Variants in ZNF84 observed in about 807,000 individuals in gnomAD.
ZNF84 encodes the protein zinc finger protein 84, also known as zinc finger protein HPF2.
Under a neutral mutation model 14.8 loss-of-function variants are expected in ZNF84, and 12 were observed. The ratio of observed to expected loss-of-function variants is 0.81; its 90% confidence interval spans 0.52 to 1.31. The LOEUF (loss-of-function observed/expected upper bound fraction) is 1.31. Ranked by LOEUF, ZNF84 falls within the 50% of genes most tolerant of loss-of-function variation. ZNF84 has a pLI of 0.00. For missense variants in ZNF84, 859 were observed against 878.6 expected (o/e 0.98, Z 0.28); for synonymous variants, 347 against 291.1 (o/e 1.19, Z -1.96).
intron 1 of ZNF84, chr12:133,037,855 GCCA>G (rs1440482202): frequency 5.3e-5 from 8 of 152,284 alleles, no homozygotes; most frequent in Non-Finnish European, 7.3e-5. Flanking sequence ...TCGACCTCGG[GCCA>G]GCCCGCTTGC....
chr12:133,056,930 A>T, intron 4 of ZNF84, 24 bp from the exon 5 acceptor site: 1 of 1,534,550 alleles, frequency 6.5e-7, no homozygotes, highest in Admixed American at 2.3e-5. Context: ...ACAACCAAAC[A>T]GATTGTTTTT....
At position 133,059,025 on chromosome 12, in the gene ZNF84, GTT is replaced by G; in HGVS notation, c.*95_*96del. The G allele has an allele frequency of 7.9e-6, 10 of 1,265,836 alleles. No homozygotes were observed. The highest frequency in any genetic ancestry group is 1.5e-5 in the African/African-American group (1 of 67,106). 78.4% of individuals were successfully genotyped at this position (1,265,836 alleles called of 1,614,324 possible). ...TGTAGACAGTCACGTCATGTTAGGTGTTTGTACTCCATGAGGATGAGAACTCT... is the reference window on the plus strand; with the variant it reads ...TGTAGACAGTCACGTCATGTTAGGTGTGTACTCCATGAGGATGAGAACTCT... On this transcript the variant is annotated 3_prime_UTR_variant, in exon 5 of 5. Transcript: ENST00000539354.
At chr12:133,050,997 C>T (rs1954058976) in intron 4 of ZNF84, among the ~76,000 whole-genome samples, 1 of 152,146 alleles carries the variant, frequency 6.6e-6, no homozygotes, top group Non-Finnish European at 1.5e-5. Flanking sequence ...TCATAGGTCA[C>T]TGCAGCCTCA....
Position 133,061,666 on chromosome 12 carries a change from T to C in ZNF84, c.*2734T>C, listed in dbSNP as rs1304682360. 6.6e-6 allele frequency: 1 copy of C among 152,204 alleles called. No individual in the cohort carries two copies. Among genetic ancestry groups the C allele is most frequent in the Non-Finnish European group, 1.5e-5 (1 of 68,036 alleles). The allele number at this position is 152,204 out of a possible 1,614,324, so 9.4% of individuals were successfully genotyped here. On this transcript the variant is annotated 3_prime_UTR_variant, in exon 5 of 5. Transcript: ENST00000539354. The stretch of plus-strand genomic sequence containing the variant: ...TTAGGTCTTGGAAATTCTAGATTAT[T>C]CCATTAACTATTAAGCAGTTAAACC...
rs1954203270 is a variant in ZNF84 at position 133,058,574 on chromosome 12, C to T, written c.1859C>T (p.Thr620Ile). Reference protein sequence around the residue: ...EKSELIRHLRTHTGEKPYECN... With the variant: ...EKSELIRHLRIHTGEKPYECN... ...TCGGAGCTAATTAGACATCTGAGAA[C>T]TCATACAGGAGAAAAACCTTATGAA... Residue 620 changes from threonine to isoleucine, a missense_variant, in exon 5 of 5, where the codon ACT becomes ATT. Thr to Ile is a moderately conservative substitution (Grantham distance 89). Coordinates refer to ENST00000539354, the MANE Select transcript of ZNF84 (RefSeq NM_001289971.2). The T allele has an allele frequency of 6.8e-6, 11 of 1,613,994 alleles. No homozygotes were observed. The highest frequency in any genetic ancestry group is 9.3e-6 in the Non-Finnish European group (11 of 1,179,974).
rs1420805502 is a variant in ZNF84 at position 133,059,607 on chromosome 12, T to C, written c.*675T>C. 2.6e-5 allele frequency: 4 copies of C among 152,376 alleles called. No individual in the cohort carries two copies. The highest frequency in any genetic ancestry group is 1.3e-4 in the Admixed American group (2 of 15,304). The allele number at this position is 152,376 out of a possible 1,614,324, so 9.4% of individuals were successfully genotyped here. A position where few individuals can be genotyped will look rare whatever the true frequency, so the allele number is the denominator to read the frequency against. ...ATTGGTTATTGAAACATCTAAGACA[T>C]TTCTTAGTGGTATTTGTGGCTTATC... On this transcript the variant is annotated 3_prime_UTR_variant, in exon 5 of 5. Transcript: ENST00000539354.
Position 133,057,239 on chromosome 12 carries a change from C to G in ZNF84, c.524C>G (p.Thr175Ser). The G allele has an allele frequency of 6.2e-7, 1 of 1,613,836 alleles. No individual in the cohort carries two copies. The change falls in exon 5 of 5, where the codon ACC becomes AGC. Residue 175 changes from threonine to serine, a missense_variant. By Grantham distance (58) the Thr-to-Ser change is moderately conservative (BLOSUM62 1). Coordinates refer to ENST00000539354, the MANE Select transcript of ZNF84 (RefSeq NM_001289971.2). ...CATTCCAAGCCTGAGGATACTGATA[C>G]CTGGTTAAAATACTATGACTGTGAT... ...FLHSKPEDTD[T>S]WLKYYDCDKY... is the part of the protein sequence containing the mutation.
At chr12:133,043,631 C>T (rs1050359563) in intron 2 of ZNF84, among the ~76,000 whole-genome samples, 10 of 152,202 alleles carry the variant, frequency 6.6e-5, no homozygotes, top group Non-Finnish European at 7.4e-5. Context: ...CCAGACCTGC[C>T]GTTAGCCATT....
chr12:133,055,187 A>G (rs2137406845), intron 4 of ZNF84, among the ~76,000 whole-genome samples: 1 of 152,234 alleles, frequency 6.6e-6, no homozygotes, highest in South Asian at 2.1e-4. Flanking sequence ...TATTTGTTCA[A>G]ATTATTCCAT....
chr12:133,057,805 A>G lies in ZNF84; in HGVS notation c.1090A>G (p.Thr364Ala). The G allele has an allele frequency of 1.2e-6, 2 of 1,614,124 alleles. No individual in the cohort carries two copies. The highest frequency in any genetic ancestry group is 1.1e-5 in the South Asian group (1 of 91,086). The change falls in exon 5 of 5, where the codon ACA becomes GCA. Residue 364 changes from threonine (T) to alanine (A), a missense_variant. Physicochemically the swap from Thr to Ala is moderately conservative, Grantham distance 58. Coordinates refer to ENST00000539354, the MANE Select transcript of ZNF84 (RefSeq NM_001289971.2). ...KAFSRKSQLV[T>A]HHRTHTGTKP... is the part of the protein sequence containing the mutation. The stretch of plus-strand genomic sequence containing the variant: ...CTTCAGCAGGAAGTCACAACTCGTT[A>G]CACATCACAGAACTCACACAGGAAC...
Position 133,058,446 on chromosome 12 carries a change from A to G in ZNF84, c.1731A>G (p.Glu577=). 1 of 1,614,062 alleles carries G rather than the reference A, an allele frequency of 6.2e-7. No homozygotes were observed. The highest frequency in any genetic ancestry group is 8.5e-7 in the Non-Finnish European group (1 of 1,180,012). The change falls in exon 5 of 5, where the codon GAA becomes GAG. Residue 577 remains glutamate, a synonymous_variant. Coordinates refer to ENST00000539354, the MANE Select transcript of ZNF84 (RefSeq NM_001289971.2). ...GEKPYECRDC[E]KAFSQKSQLN... ...AACCGTATGAATGCAGGGACTGTGAAAAAGCTTTCTCCCAGAAATCACAGC... is the reference window on the plus strand; with the variant it reads ...AACCGTATGAATGCAGGGACTGTGAGAAAGCTTTCTCCCAGAAATCACAGC...
chr12:133,040,418 A>G (rs1340428365), intron 1 of ZNF84: 8 of 151,798 alleles, frequency 5.3e-5, no homozygotes, highest in African/African-American at 1.9e-4. Flanking sequence ...AAATACAAAA[A>G]CAGTTAGCTG....
chr12:133,040,192 C>T (rs1953861500), intron 1 of ZNF84, among the ~76,000 whole-genome samples: 1 of 151,706 alleles, frequency 6.6e-6, no homozygotes, highest in African/African-American at 2.4e-5. Flanking sequence ...CTCTGAGCTG[C>T]TTATAAGGGA....
chr12:133,055,666 G>T (rs1255871836), intron 4 of ZNF84, among the ~76,000 whole-genome samples: 1 of 152,128 alleles, frequency 6.6e-6, no homozygotes, highest in Non-Finnish European at 1.5e-5. Context: ...TGTTTAATAT[G>T]ATACAATATT....
intron 4 of ZNF84, 33 bp from the exon 5 acceptor site, chr12:133,056,921 C>T: frequency 3.3e-6 from 5 of 1,522,460 alleles, no homozygotes; most frequent in Non-Finnish European, 4.4e-6. Flanking sequence ...TTAGAAAGCA[C>T]AACCAAACAG....
chr12:133,041,304 AGCCT>A lies in ZNF84; in HGVS notation c.-161_-158del. The A allele has an allele frequency of 1.5e-6, 1 of 673,554 alleles. No homozygotes were observed. Among genetic ancestry groups the A allele is most frequent in the Non-Finnish European group, 2.6e-6 (1 of 380,912 alleles). 41.7% of individuals were successfully genotyped at this position (673,554 alleles called of 1,614,324 possible). A position where few individuals can be genotyped will look rare whatever the true frequency, so the allele number is the denominator to read the frequency against. ...CCACAGATCCTGGTCCCTACAAATA[AGCCT>A]GCTCATGTGAGATAAGAAAGGAGTT... On this transcript the variant is annotated 5_prime_UTR_variant, in exon 2 of 5. Transcript: ENST00000539354.
intron 2 of ZNF84, among the ~76,000 whole-genome samples, chr12:133,041,837 C>T (rs1370276213): frequency 1.3e-5 from 2 of 152,124 alleles, no homozygotes; most frequent in Non-Finnish European, 2.9e-5. Context: ...GTAAATATTT[C>T]TTGGTTATCG....
In ZNF84 at chr12:133,058,556, T is replaced by C; in HGVS notation, c.1841T>C (p.Leu614Pro). ...CRKAFFEKSELIRHLRTHTGE... is the reference protein window; with the variant it reads ...CRKAFFEKSEPIRHLRTHTGE... Reference sequence around the variant, plus strand: ...AAAGCTTTTTTTGAGAAGTCGGAGCTAATTAGACATCTGAGAACTCATACA... The same window carrying C: ...AAAGCTTTTTTTGAGAAGTCGGAGCCAATTAGACATCTGAGAACTCATACA... The change falls in exon 5 of 5, where the codon CTA becomes CCA. Residue 614 changes from leucine (L) to proline (P), a missense_variant. Transcript: ENST00000539354. 6.2e-7 allele frequency: 1 copy of C among 1,614,046 alleles called. No homozygotes were observed. The highest frequency in any genetic ancestry group is 8.5e-7 in the Non-Finnish European group (1 of 1,179,992).
At chr12:133,049,870 C>T (rs932853978) in intron 4 of ZNF84, among the ~76,000 whole-genome samples, 3 of 152,182 alleles carry the variant, frequency 2.0e-5, no homozygotes, top group South Asian at 2.1e-4. Context: ...CCTCAACTTC[C>T]GCTTAAAACT....
Sources: gnomAD v4.1 joint callset for allele counts (sites outside exome capture counted in the v4.1 genomes callset) on GRCh38, gnomAD v4.1.1 for gene constraint, MANE v1.5 for transcripts, NCBI Gene and HGNC (gene_info 2026-07-23, HGNC 2026-07-21) for gene names.